The following CSNK2A2IP variants were observed in gnomAD, a reference collection of about 807,000 sequenced individuals.
CSNK2A2IP encodes the protein casein kinase II subunit alpha'-interacting protein.
chr3:88,378,468 A>G, the CSNK2A2IP span, among the ~76,000 whole-genome samples: 1 of 152,056 alleles, frequency 6.6e-6, no homozygotes, highest in East Asian at 1.9e-4. Context: ...AAGAAAATGA[A>G]CTGTTCAATA....
At chr3:88,450,610 T>C in the CSNK2A2IP span, among the ~76,000 whole-genome samples, 1 of 152,170 alleles carries the variant, frequency 6.6e-6, no homozygotes, top group East Asian at 1.9e-4. Flanking sequence ...TGGTGGCAAA[T>C]AGCAAGATCG....
chr3:88,385,823 A>G, the CSNK2A2IP span, among the ~76,000 whole-genome samples: 1 of 152,182 alleles, frequency 6.6e-6, no homozygotes, highest in Admixed American at 6.5e-5. Context: ...TGATTTTTTT[A>G]AGACTTGAAG....
At chr3:88,466,796 C>G in the CSNK2A2IP span, 1 of 859,702 alleles carries the variant, frequency 1.2e-6, no homozygotes, top group African/African-American at 1.7e-5. Flanking sequence ...TTAGCTTGTG[C>G]TTCCTGCCTA....
chr3:88,350,096 A>G, the CSNK2A2IP span, among the ~76,000 whole-genome samples: 1 of 152,040 alleles, frequency 6.6e-6, no homozygotes, highest in Admixed American at 6.6e-5. Context: ...TTCAGTATCT[A>G]AACACAGCCT....
At chr3:88,450,833 G>T in the CSNK2A2IP span, among the ~76,000 whole-genome samples, 1 of 152,072 alleles carries the variant, frequency 6.6e-6, no homozygotes, top group African/African-American at 2.4e-5. Context: ...GTATCTTTAT[G>T]AGATAGTGAT....
At chr3:88,430,723 T>C in the CSNK2A2IP span, among the ~76,000 whole-genome samples, 2 of 151,912 alleles carry the variant, frequency 1.3e-5, no homozygotes, top group Admixed American at 1.3e-4. Context: ...GTCAATCTAA[T>C]GCAAAGGAAC....
chr3:88,467,213 C>T, the CSNK2A2IP span: 46 of 399,786 alleles, frequency 1.2e-4, no homozygotes, highest in Middle Eastern at 6.1e-4. Flanking sequence ...TCCACTTCCT[C>T]CTCCTCCACC....
the CSNK2A2IP span, among the ~76,000 whole-genome samples, chr3:88,428,653 T>G: frequency 6.6e-6 from 1 of 152,120 alleles, no homozygotes; most frequent in Admixed American, 6.5e-5. Flanking sequence ...GGATAAATTA[T>G]GGATTTATTA....
the CSNK2A2IP span, among the ~76,000 whole-genome samples, chr3:88,378,544 A>C: frequency 6.6e-6 from 1 of 152,040 alleles, no homozygotes; most frequent in Non-Finnish European, 1.5e-5. Context: ...TAAAGAATTA[A>C]ACTTTTAGTG....
the CSNK2A2IP span, among the ~76,000 whole-genome samples, chr3:88,431,473 G>T: frequency 6.6e-6 from 1 of 152,242 alleles, no homozygotes; most frequent in South Asian, 2.1e-4. Context: ...TTGGAAGGGG[G>T]TGAAGGATAA....
the CSNK2A2IP span, among the ~76,000 whole-genome samples, chr3:88,463,253 G>GTTT: frequency 1.7e-4 from 24 of 143,994 alleles, no homozygotes; most frequent in Admixed American, 3.5e-4. Context: ...GATCACTTTA[G>GTTT]TTTTTTTTTT....
At chr3:88,404,399 A>C in the CSNK2A2IP span, among the ~76,000 whole-genome samples, 2 of 152,208 alleles carry the variant, frequency 1.3e-5, no homozygotes, top group African/African-American at 4.8e-5. Context: ...CAAGCAGCTT[A>C]TATGGTTAAT....
At chr3:88,396,242 A>T in the CSNK2A2IP span, among the ~76,000 whole-genome samples, 1 of 150,928 alleles carries the variant, frequency 6.6e-6, no homozygotes, top group East Asian at 2.0e-4. Flanking sequence ...AGTAGCTGGG[A>T]CTACAGGCGC....
At chr3:88,445,379 G>A in the CSNK2A2IP span, among the ~76,000 whole-genome samples, 1 of 151,054 alleles carries the variant, frequency 6.6e-6, no homozygotes, top group Non-Finnish European at 1.5e-5. Context: ...GAGCTCGGGA[G>A]GCATAGTGAG....
At chr3:88,376,077 C>T in the CSNK2A2IP span, among the ~76,000 whole-genome samples, 2 of 151,762 alleles carry the variant, frequency 1.3e-5, no homozygotes, top group African/African-American at 2.4e-5. Flanking sequence ...TTACTCTGTC[C>T]TATTGTATGA....
chr3:88,382,875 T>C, the CSNK2A2IP span: 1 of 152,192 alleles, frequency 6.6e-6, no homozygotes, highest in African/African-American at 2.4e-5. Flanking sequence ...AATCTAACCT[T>C]TTTGGGTAGA....
the CSNK2A2IP span, among the ~76,000 whole-genome samples, chr3:88,393,237 C>T: frequency 1.3e-5 from 2 of 152,162 alleles, no homozygotes; most frequent in African/African-American, 4.8e-5. Flanking sequence ...CTTACTCAGT[C>T]TTGAGATATT....
chr3:88,365,426 A>G, the CSNK2A2IP span, among the ~76,000 whole-genome samples: 5 of 152,164 alleles, frequency 3.3e-5, no homozygotes, highest in African/African-American at 1.2e-4. Context: ...ACTTTGTCAT[A>G]TTGAATGAGT....
chr3:88,463,903 A>C, the CSNK2A2IP span, among the ~76,000 whole-genome samples: 87 of 152,214 alleles, frequency 5.7e-4, no homozygotes, highest in African/African-American at 1.9e-3. Flanking sequence ...GAAACAACCC[A>C]AATGTCCAAC....
Sources: gnomAD v4.1 joint callset for allele counts (sites outside exome capture counted in the v4.1 genomes callset) on GRCh38, gnomAD v4.1.1 for gene constraint, MANE v1.5 for transcripts, NCBI Gene and HGNC (gene_info 2026-07-23, HGNC 2026-07-21) for gene names.